The following PTPRD variants were observed in gnomAD, a reference collection of about 807,000 sequenced individuals.
PTPRD encodes protein tyrosine phosphatase receptor type D.
Under a neutral mutation model 214.5 loss-of-function variants are expected in PTPRD, and 34 were observed. The ratio of observed to expected loss-of-function variants is 0.16; its 90% confidence interval spans 0.12 to 0.21. The LOEUF (loss-of-function observed/expected upper bound fraction) is 0.21, where lower values mean the gene tolerates loss of function less well. PTPRD is among the 10% of genes least tolerant of loss of function. PTPRD has a pLI of 1.00. For synonymous variants in PTPRD, 1,128 were observed against 845.7 expected (o/e 1.33, Z -5.79); for missense variants, 2,545 against 2,398.7 (o/e 1.06, Z -1.27).
intron 11 of PTPRD, 94 bp from the exon 12 acceptor site, chr9:8,734,040 T>C (rs2098690351): frequency 1.7e-6 from 1 of 597,846 alleles, no homozygotes; most frequent in Non-Finnish European, 3.0e-6. Flanking sequence ...ACAATCACCA[T>C]GACAGACACA....
chr9:8,732,409 C>T (rs917426442), intron 12 of PTPRD, among the ~76,000 whole-genome samples: 3 of 152,196 alleles, frequency 2.0e-5, no homozygotes, highest in Non-Finnish European at 4.4e-5. Context: ...TACTTTTGCA[C>T]TCTAGCCAAA....
intron 33 of PTPRD, among the ~76,000 whole-genome samples, chr9:8,458,959 G>T (rs1291750649): frequency 1.3e-5 from 2 of 151,968 alleles, no homozygotes; most frequent in Non-Finnish European, 2.9e-5. Context: ...AATGGGTTAT[G>T]GTTATGAACT....
chr9:8,565,090 G>A (rs2088389936), intron 14 of PTPRD, among the ~76,000 whole-genome samples: 1 of 152,120 alleles, frequency 6.6e-6, no homozygotes, highest in Non-Finnish European at 1.5e-5. Context: ...CAATGACGGG[G>A]AGAGACGAAC....
rs189664511 is a variant in PTPRD, at chr9:9,771,595, C to G, written c.-367-4744G>C. On this transcript the variant is annotated intron_variant, in intron 5 of 45. Coordinates refer to ENST00000381196, the MANE Select transcript of PTPRD (RefSeq NM_002839.4). ...CACATCACCTTATTTAAATGTTAAGCCTTTAAAATAACTTACTTTTTTCAA... is the reference window on the plus strand; with the variant it reads ...CACATCACCTTATTTAAATGTTAAGGCTTTAAAATAACTTACTTTTTTCAA... 6.4e-4 allele frequency among the ~76,000 whole-genome samples: 98 copies of G among 152,230 alleles called. 1 individual carries two copies. Among genetic ancestry groups the G allele is most frequent in the African/African-American group, 2.2e-3 (93 of 41,540 alleles).
At chr9:10,574,346 C>A (rs1184297581) in intron 2 of PTPRD, among the ~76,000 whole-genome samples, 6 of 151,902 alleles carry the variant, frequency 3.9e-5, no homozygotes, top group Non-Finnish European at 2.9e-5. Context: ...TAAGAGGAAC[C>A]GTTGAACTTC....
chr9:9,116,505 T>C (rs973113041), intron 10 of PTPRD, among the ~76,000 whole-genome samples: 3 of 152,056 alleles, frequency 2.0e-5, no homozygotes, highest in Admixed American at 1.3e-4. Context: ...AAAAGTTACC[T>C]ACTGATTATG....
intron 3 of PTPRD, among the ~76,000 whole-genome samples, chr9:10,220,912 GA>G (rs537890125): frequency 1.3e-5 from 2 of 151,520 alleles, no homozygotes; most frequent in African/African-American, 4.8e-5. Context: ...AGGGCACAAG[GA>G]AGAAATGGAC....
intron 11 of PTPRD, among the ~76,000 whole-genome samples, chr9:9,007,317 G>T (rs974046029): frequency 1.3e-5 from 2 of 150,582 alleles, no homozygotes; most frequent in Non-Finnish European, 3.0e-5. Flanking sequence ...TGTGCTAACT[G>T]GTAGCCCAAA....
intron 2 of PTPRD, among the ~76,000 whole-genome samples, chr9:10,592,612 T>C (rs1236468599): frequency 1.3e-5 from 2 of 151,846 alleles, no homozygotes; most frequent in Non-Finnish European, 2.9e-5. Context: ...TGGAGAACTT[T>C]TCTGTCTTAC....
intron 11 of PTPRD, among the ~76,000 whole-genome samples, chr9:8,937,472 G>A (rs926957974): frequency 1.3e-5 from 2 of 152,120 alleles, no homozygotes; most frequent in African/African-American, 4.8e-5. Context: ...ACACTTGGAT[G>A]ACTGTCATAA....
intron 5 of PTPRD, among the ~76,000 whole-genome samples, chr9:9,831,004 AT>A (rs1370156481): frequency 6.6e-6 from 1 of 151,918 alleles, no homozygotes; most frequent in Non-Finnish European, 1.5e-5. Context: ...GGGAATTTTC[AT>A]TAACAATTTA....
intron 9 of PTPRD, among the ~76,000 whole-genome samples, chr9:9,242,688 C>A (rs1251139481): frequency 6.6e-6 from 1 of 152,124 alleles, no homozygotes; most frequent in Non-Finnish European, 1.5e-5. Flanking sequence ...GTTTTCAGCT[C>A]CATCAGGTCA....
At chr9:10,026,629 G>A (rs554727481) in intron 4 of PTPRD, among the ~76,000 whole-genome samples, 2 of 152,132 alleles carry the variant, frequency 1.3e-5, no homozygotes, top group African/African-American at 2.4e-5. Flanking sequence ...ATCACAAGGG[G>A]GCATTGTTTT....
intron 5 of PTPRD, among the ~76,000 whole-genome samples, chr9:9,775,869 T>C (rs2821501): frequency 0.47 from 69,876 of 147,478 alleles, 16,571 homozygotes; most frequent in East Asian, 0.7. Flanking sequence ...GGCAGGAGAA[T>C]GGTGTGAACC....
intron 9 of PTPRD, among the ~76,000 whole-genome samples, chr9:9,383,943 A>G (rs980597733): frequency 1.5e-4 from 23 of 152,064 alleles, no homozygotes; most frequent in African/African-American, 4.6e-4. Context: ...TCCAGAAGTG[A>G]TATCTAACCC....
chr9:9,805,825 C>A (rs2099069587), intron 5 of PTPRD, among the ~76,000 whole-genome samples: 1 of 152,068 alleles, frequency 6.6e-6, no homozygotes, highest in Non-Finnish European at 1.5e-5. Context: ...GAAAAATACT[C>A]CTATTGAGTG....
chr9:9,710,320 A>G (rs1432356375), intron 7 of PTPRD, among the ~76,000 whole-genome samples: 1 of 152,136 alleles, frequency 6.6e-6, no homozygotes, highest in Admixed American at 6.5e-5. Context: ...CCAGAACTCT[A>G]AAATTTAGTC....
chr9:10,452,210 C>T (rs1364309196), intron 2 of PTPRD, among the ~76,000 whole-genome samples: 1 of 151,800 alleles, frequency 6.6e-6, no homozygotes, highest in Non-Finnish European at 1.5e-5. Flanking sequence ...ACATTTTCTT[C>T]CTTCATTAAT....
chr9:9,398,792 A>G (rs1280440886), intron 8 of PTPRD, among the ~76,000 whole-genome samples: 1 of 151,980 alleles, frequency 6.6e-6, no homozygotes, highest in Non-Finnish European at 1.5e-5. Context: ...GAACAGTGAT[A>G]GATTTGCTTT....
Sources: allele counts gnomAD v4.1 joint callset (sites outside exome capture counted in the v4.1 genomes callset), GRCh38; gene constraint gnomAD v4.1.1; transcripts MANE v1.5; gene names NCBI Gene and HGNC (gene_info 2026-07-23, HGNC 2026-07-21).